Variants in NDUFS4 observed in about 807,000 individuals in gnomAD.
The protein encoded by NDUFS4 is NADH dehydrogenase [ubiquinone] iron-sulfur protein 4, mitochondrial.
A neutral mutation model predicts 24.3 loss-of-function variants in NDUFS4; 28 were observed. The ratio of observed to expected loss-of-function variants is 1.15; its 90% confidence interval spans 0.85 to 1.58. The LOEUF (loss-of-function observed/expected upper bound fraction) is 1.58. NDUFS4 is among the 40% of genes most tolerant of loss of function. NDUFS4 has a pLI of 0.00. For missense variants in NDUFS4, 223 were observed against 207.9 expected, an observed-to-expected ratio of 1.07 and a Z score of -0.45; for synonymous variants, 93 against 69.7, an observed-to-expected ratio of 1.34 and a Z score of -1.67.
At chr5:53,574,330 G>T (rs1749317276) in intron 1 of NDUFS4, among the ~76,000 whole-genome samples, 1 of 152,180 alleles carries the variant, frequency 6.6e-6, no homozygotes, top group African/African-American at 2.4e-5. Context: ...ATCAATTGGT[G>T]TAGTCTTGTT....
At chr5:53,581,856 A>G (rs1749577320) in intron 1 of NDUFS4, among the ~76,000 whole-genome samples, 1 of 152,196 alleles carries the variant, frequency 6.6e-6, no homozygotes, top group South Asian at 2.1e-4. Flanking sequence ...AACAAGAGTT[A>G]AAAAAGATCA....
rs1752603166 is a variant in NDUFS4, at chr5:53,669,267, C to A, written c.424+10643C>A. On this transcript the variant is annotated intron_variant, in intron 4 of 4. Transcript: ENST00000296684. ...TGTGTTTAATAGACAAATTCCTCAA[C>A]TGATAATTCAAAGTTCTTCACAATA... Among the ~76,000 whole-genome samples, 4 of 152,162 alleles carry A rather than the reference C, an allele frequency of 2.6e-5. No individual in the cohort carries two copies. In the South Asian group the frequency reaches 8.3e-4, roughly 32 times the overall value.
intron 4 of NDUFS4, among the ~76,000 whole-genome samples, chr5:53,673,236 G>C (rs962508550): frequency 2.0e-5 from 3 of 152,106 alleles, no homozygotes; most frequent in African/African-American, 7.2e-5. Flanking sequence ...GTTGACAACT[G>C]TTCTCAAGTA....
chr5:53,682,886 T>TAACA (rs1554062366), intron 4 of NDUFS4, among the ~76,000 whole-genome samples: 4 of 152,254 alleles, frequency 2.6e-5, no homozygotes, highest in Admixed American at 1.3e-4. Context: ...TTTACATCTT[T>TAACA]AACAACTTGA....
At chr5:53,668,983 T>C (rs1423028835) in intron 4 of NDUFS4, among the ~76,000 whole-genome samples, 1 of 152,142 alleles carries the variant, frequency 6.6e-6, no homozygotes, top group Admixed American at 6.5e-5. Context: ...CAGGGACACA[T>C]ACAAGGAGGT....
At chr5:53,561,103 C>T (rs955072535) in intron 1 of NDUFS4, among the ~76,000 whole-genome samples, 4 of 152,174 alleles carry the variant, frequency 2.6e-5, no homozygotes, top group Non-Finnish European at 5.9e-5. Context: ...TCTGTTTCCA[C>T]TTTCTGCATC....
chr5:53,672,013 G>GT (rs1296297271), intron 4 of NDUFS4, among the ~76,000 whole-genome samples: 140 of 152,148 alleles, frequency 9.2e-4, no homozygotes, highest in African/African-American at 3.2e-3. Context: ...GGTCTATTGG[G>GT]GTGGAAAACC....
At chr5:53,673,099 G>C (rs776747289) in intron 4 of NDUFS4, among the ~76,000 whole-genome samples, 4 of 152,144 alleles carry the variant, frequency 2.6e-5, no homozygotes, top group Non-Finnish European at 5.9e-5. Flanking sequence ...ATCTTGAGCA[G>C]TGAAGGCATT....
chr5:53,662,289 T>G (rs1477989135), intron 4 of NDUFS4, among the ~76,000 whole-genome samples: 1 of 152,194 alleles, frequency 6.6e-6, no homozygotes, highest in East Asian at 1.9e-4. Flanking sequence ...GTTTATATGC[T>G]GGATTACGTT....
intron 3 of NDUFS4, among the ~76,000 whole-genome samples, chr5:53,651,774 C>CTT (rs34235265): frequency 1.8e-4 from 21 of 118,048 alleles, no homozygotes; most frequent in Admixed American, 4.4e-4. Context: ...TAACTTTATT[C>CTT]TTTTTTTTTT....
chr5:53,678,177 T>C (rs1052469406), intron 4 of NDUFS4, among the ~76,000 whole-genome samples: 2 of 152,198 alleles, frequency 1.3e-5, no homozygotes, highest in African/African-American at 4.8e-5. Flanking sequence ...AATGTGGAGA[T>C]CTACAAAATA....
intron 3 of NDUFS4, among the ~76,000 whole-genome samples, chr5:53,652,870 A>G (rs376848971): frequency 1.3e-5 from 2 of 152,040 alleles, no homozygotes; most frequent in Non-Finnish European, 2.9e-5. Flanking sequence ...TGTTTCAGGG[A>G]GACAGCATGA....
chr5:53,601,423 C>A (rs1010854767), intron 1 of NDUFS4, among the ~76,000 whole-genome samples: 2 of 152,070 alleles, frequency 1.3e-5, no homozygotes, highest in African/African-American at 4.8e-5. Flanking sequence ...AAATTAAGAA[C>A]TTTACTTTGG....
intron 2 of NDUFS4, among the ~76,000 whole-genome samples, chr5:53,612,837 CATTTT>C (rs1478543463): frequency 1.3e-5 from 2 of 152,016 alleles, no homozygotes; most frequent in Admixed American, 6.6e-5. Context: ...TAGTTAAAAA[CATTTT>C]ATTACTCGAA....
Position 53,646,248 on chromosome 5 carries a change from A to T in NDUFS4, c.193A>T (p.Thr65Ser). Residue 65 changes from threonine (T) to serine (S), a missense_variant, in exon 3 of 5, where the codon ACT becomes TCT. Thr to Ser is a moderately conservative substitution (Grantham distance 58). Coordinates refer to ENST00000296684, the MANE Select transcript of NDUFS4 (RefSeq NM_002495.4). Reference protein sequence around the residue: ...VDEKLDITTLTGVPEEHIKTR... With the variant: ...VDEKLDITTLSGVPEEHIKTR... The stretch of plus-strand genomic sequence containing the variant: ...TTTTCTGTAGGATATCACTACTTTA[A>T]CTGGAGTTCCAGAAGAGCATATAAA... The T allele has an allele frequency of 2.5e-6, 4 of 1,610,928 alleles. No homozygotes were observed. Among genetic ancestry groups the T allele is most frequent in the Non-Finnish European group, 3.4e-6 (4 of 1,177,500 alleles).
intron 4 of NDUFS4, among the ~76,000 whole-genome samples, chr5:53,677,120 C>G (rs1012169125): frequency 4.6e-5 from 7 of 152,116 alleles, no homozygotes; most frequent in African/African-American, 1.7e-4. Flanking sequence ...ACTTTTGGAA[C>G]ACAAAAGCTG....
rs2290696 is a variant in NDUFS4 at position 53,682,944 on chromosome 5, G to A, written c.425-174G>A. On this transcript the variant is annotated intron_variant, in intron 4 of 4. Transcript: ENST00000296684. ...CAATCTTTTGGACCCTTTTCTCACA[G>A]AGGATTGATTATAAGGGAACAAATA... is the stretch of plus-strand genomic sequence containing the variant. Among the ~76,000 whole-genome samples, 28,665 of 96,020 alleles carry A rather than the reference G, an allele frequency of 0.3. 3,079 individuals carry two copies. Among genetic ancestry groups the A allele is most frequent in the East Asian group, 0.52 (2,382 of 4,616 alleles). 63.0% of individuals were successfully genotyped at this position (96,020 alleles called of 152,430 possible).
In NDUFS4 at chr5:53,650,843, A is replaced by T. The variant is rs143328017; in HGVS notation, c.350+4438A>T. Among the ~76,000 whole-genome samples, 416 of 152,368 alleles carry T rather than the reference A, an allele frequency of 2.7e-3. 3 individuals are homozygous for T. The highest frequency in any genetic ancestry group is 6.8e-3 in the Middle Eastern group (2 of 294). On this transcript the variant is annotated intron_variant, in intron 3 of 4. Coordinates refer to ENST00000296684, the MANE Select transcript of NDUFS4 (RefSeq NM_002495.4). The stretch of plus-strand genomic sequence containing the variant: ...TGCTTGCACAAAGGTTCACACAATC[A>T]TTATTATAGTATTGCTTAGTCTGGA...
chr5:53,587,277 A>T (rs1016703412), intron 1 of NDUFS4, among the ~76,000 whole-genome samples: 1 of 151,856 alleles, frequency 6.6e-6, no homozygotes, highest in Non-Finnish European at 1.5e-5. Context: ...ATTCTTGCCC[A>T]TTTTTCCACA....
Sources: allele counts gnomAD v4.1 joint callset (sites outside exome capture counted in the v4.1 genomes callset), GRCh38; gene constraint gnomAD v4.1.1; transcripts MANE v1.5; gene names NCBI Gene and HGNC (gene_info 2026-07-23, HGNC 2026-07-21).